Variants in TRPM4 observed in about 807,000 individuals in gnomAD.
The protein encoded by TRPM4 is calcium-activated non-selective cation channel 1.
In TRPM4, 124 loss-of-function variants were observed where a neutral mutation model predicts 135.6. That is an observed-to-expected ratio of 0.91 (90% CI 0.79 to 1.06). The LOEUF (loss-of-function observed/expected upper bound fraction) is 1.06, where lower values mean the gene tolerates loss of function less well. Ranked by LOEUF, TRPM4 falls within the 50% of genes least tolerant of loss-of-function variation. TRPM4 has a pLI of 0.00. For missense variants in TRPM4, 1,658 were observed against 1,671.4 expected, an observed-to-expected ratio of 0.99 and a Z score of 0.14; for synonymous variants, 745 against 705.6, an observed-to-expected ratio of 1.06 and a Z score of -0.88.
chr19:49,211,210 G>C lies in TRPM4; in HGVS notation c.3581G>C (p.Ser1194Thr). The change falls in exon 24 of 25, where the codon AGC becomes ACC. Residue 1194 changes from serine (S) to threonine (T), a missense_variant. By Grantham distance (58) the Ser-to-Thr change is moderately conservative (BLOSUM62 1). Around this residue, in one of 3 missense-constraint regions of TRPM4, gnomAD observed 1,412 missense variants for 1,408.7 expected, o/e 1.00. Transcript: ENST00000252826. The surrounding 1 kb of genome is among the most constrained non-coding windows in gnomAD (Gnocchi z 4.8). The part of the protein sequence containing the change: ...RVLGWVAEAL[S>T]RSALLPPGGP... The stretch of plus-strand genomic sequence containing the variant: ...CTGGGGTGGGTGGCCGAGGCCCTGA[G>C]CCGCTCTGCCTTGCTGCCCCCAGGT... The C allele has an allele frequency of 6.2e-7, 1 of 1,600,256 alleles. No individual in the cohort carries two copies. Among genetic ancestry groups the C allele is most frequent in the South Asian group, 1.1e-5 (1 of 89,022 alleles).
chr19:49,165,999 G>T, intron 2 of TRPM4, 42 bp from the exon 3 acceptor site: 1 of 1,550,836 alleles, frequency 6.4e-7, no homozygotes, highest in East Asian at 2.4e-5. Flanking sequence ...TGCTGGGGTC[G>T]GGGGGCAGCC....
chr19:49,208,248 A>G (rs541955096), intron 20 of TRPM4, among the ~76,000 whole-genome samples: 229 of 152,220 alleles, frequency 1.5e-3, no homozygotes, highest in Non-Finnish European at 2.7e-3. Flanking sequence ...GGAGACGGTT[A>G]GGCCCCTGGA....
intron 12 of TRPM4, among the ~76,000 whole-genome samples, chr19:49,187,907 C>T (rs1326562296): frequency 6.6e-6 from 1 of 152,002 alleles, no homozygotes; most frequent in African/African-American, 2.4e-5. Context: ...ACTGGTTGAG[C>T]CAGACTACAG....
chr19:49,197,915 T>G (rs1156947257), intron 17 of TRPM4, among the ~76,000 whole-genome samples: 1 of 152,102 alleles, frequency 6.6e-6, no homozygotes, highest in East Asian at 1.9e-4. Context: ...TCTTGAACTC[T>G]TGGCCTCAAG....
At chr19:49,197,296 CTCTTTCTTTCTTTT>C (rs1206126081) in intron 17 of TRPM4, among the ~76,000 whole-genome samples, 163 of 124,626 alleles carry the variant, frequency 1.3e-3, no homozygotes, top group South Asian at 2.6e-3. Context: ...TTCTTTCTTT[CTCTTTCTTTCTTTT>C]TCTTTCTTTC....
chr19:49,201,104 A>G (rs1212101482), intron 19 of TRPM4, among the ~76,000 whole-genome samples: 1 of 149,264 alleles, frequency 6.7e-6, no homozygotes, highest in Non-Finnish European at 1.5e-5. Context: ...TAGTAAAGCC[A>G]TTTTTATTTT....
At chr19:49,164,567 A>G (rs1268449163) in intron 2 of TRPM4, among the ~76,000 whole-genome samples, 1 of 150,934 alleles carries the variant, frequency 6.6e-6, no homozygotes, top group Non-Finnish European at 1.5e-5. Context: ...TTTTTAGTAC[A>G]GACAGTGTTT....
chr19:49,182,598 C>T lies in TRPM4; in HGVS notation c.1284C>T (p.Ser428=). The T allele has an allele frequency of 6.2e-7, 1 of 1,613,856 alleles. No individual in the cohort carries two copies. The highest frequency in any genetic ancestry group is 8.5e-7 in the Non-Finnish European group (1 of 1,180,042). ...IQWRSFHLEA[S]LMDALLNDRP... is the part of the protein sequence containing the mutation. ...GCCAGTCCTTCCATCTCGAAGCTTC[C>T]CTCATGGACGCCCTGCTGAATGACC... Residue 428 remains serine, a synonymous_variant, in exon 11 of 25, where the codon TCC becomes TCT. Transcript: ENST00000252826.
At chr19:49,187,814 G>A (rs959970158) in intron 12 of TRPM4, among the ~76,000 whole-genome samples, 3 of 152,156 alleles carry the variant, frequency 2.0e-5, no homozygotes, top group East Asian at 3.8e-4. Context: ...GGGGAGTGCT[G>A]ATTGGTCAGG....
In TRPM4 at chr19:49,158,236, C is replaced by T; in HGVS notation, c.69C>T (p.Phe23=). 1.2e-6 allele frequency: 2 copies of T among 1,613,982 alleles called. No individual in the cohort carries two copies. Among genetic ancestry groups the T allele is most frequent in the Non-Finnish European group, 1.7e-6 (2 of 1,179,980 alleles). The change falls in exon 2 of 25, where the codon TTC becomes TTT. Residue 23 remains phenylalanine, a synonymous_variant. Transcript: ENST00000252826. Reference sequence around the variant, plus strand: ...TCAAGAAGAAGACCTGCACGACGTTCATAGTTGACTCCACAGATCCGGGGT... The same window carrying T: ...TCAAGAAGAAGACCTGCACGACGTTTATAGTTGACTCCACAGATCCGGGGT... ...KIFKKKTCTT[F]IVDSTDPGGT...
intron 2 of TRPM4, chr19:49,159,431 G>A (rs561728206): frequency 6.6e-6 from 1 of 152,208 alleles, no homozygotes; most frequent in African/African-American, 2.4e-5. Context: ...GCCTCCCAAA[G>A]CGCTAGGATT....
chr19:49,176,085 G>A (rs1230629392), intron 9 of TRPM4, among the ~76,000 whole-genome samples: 1 of 151,208 alleles, frequency 6.6e-6, no homozygotes, highest in South Asian at 2.1e-4. Flanking sequence ...AACCGCACCC[G>A]GCTAATTTTT....
intron 16 of TRPM4, among the ~76,000 whole-genome samples, chr19:49,194,552 TTTCC>T (rs1216769281): frequency 6.6e-6 from 1 of 151,580 alleles, no homozygotes; most frequent in Non-Finnish European, 1.5e-5. Context: ...GCCTCACTTA[TTTCC>T]TTCCTTCCTC....
intron 16 of TRPM4, among the ~76,000 whole-genome samples, chr19:49,196,149 C>T (rs1968625547): frequency 6.6e-6 from 1 of 151,992 alleles, no homozygotes; most frequent in African/African-American, 2.4e-5. Context: ...TGAGCCACCG[C>T]GCCCGATCCG....
intron 12 of TRPM4, among the ~76,000 whole-genome samples, chr19:49,184,702 ATC>A (rs1968131909): frequency 6.6e-6 from 1 of 150,824 alleles, no homozygotes; most frequent in Non-Finnish European, 1.5e-5. Flanking sequence ...GATGGTTGCG[ATC>A]TCCTGACCTC....
intron 9 of TRPM4, among the ~76,000 whole-genome samples, chr19:49,179,151 G>C (rs1285028869): frequency 6.6e-6 from 1 of 151,952 alleles, no homozygotes; most frequent in Non-Finnish European, 1.5e-5. Flanking sequence ...CACCTCCCGG[G>C]TTCAAGCGAT....
intron 9 of TRPM4, among the ~76,000 whole-genome samples, chr19:49,175,663 T>C (rs1967659061): frequency 6.9e-6 from 1 of 144,918 alleles, no homozygotes; most frequent in Admixed American, 6.9e-5. Context: ...TCTTTCTTTT[T>C]CTTTTTTTTT....
chr19:49,200,553 TA>T, intron 18 of TRPM4, 57 bp from the exon 19 acceptor site: 20 of 1,602,592 alleles, frequency 1.2e-5, no homozygotes, highest in Non-Finnish European at 1.7e-5. Flanking sequence ...TTTTGGGATA[TA>T]GGGGTGGGGC....
Position 49,184,636 on chromosome 19 carries a change from C to T in TRPM4, c.1743+1424C>T, listed in dbSNP as rs541636254. Among the ~76,000 whole-genome samples the T allele has an allele frequency of 1.5e-4, 22 of 151,574 alleles. No homozygotes were observed. In the South Asian group the frequency reaches 3.5e-3, roughly 24 times the overall value. On this transcript the variant is annotated intron_variant, in intron 12 of 24. Transcript: ENST00000252826. The stretch of plus-strand genomic sequence containing the variant: ...CTGGGACTACAGGTGCCCGCCACCA[C>T]GCCCAGCTAATTTTTTTGTATTTTT...
Sources: gnomAD v4.1 joint callset for allele counts (sites outside exome capture counted in the v4.1 genomes callset) on GRCh38, gnomAD v4.1.1 for gene constraint, gnomAD v4.1.1 regional missense constraint, Gnocchi (gnomAD v3.1) non-coding constraint, MANE v1.5 for transcripts, NCBI Gene and HGNC (gene_info 2026-07-23, HGNC 2026-07-21) for gene names.